The following RTN1 variants were observed in gnomAD, a reference collection of about 807,000 sequenced individuals.
RTN1 encodes reticulon 1.
RTN1 carries 25 observed loss-of-function variants against 65.5 expected under a neutral mutation model. That is an observed-to-expected ratio of 0.38 (90% CI 0.28 to 0.53). RTN1 has a LOEUF of 0.53. Ranked by LOEUF, RTN1 falls within the 20% of genes least tolerant of loss-of-function variation. The pLI is 0.79. For missense variants in RTN1, 983 were observed against 1,025.4 expected (o/e 0.96, Z 0.57); for synonymous variants, 471 against 447.6 (o/e 1.05, Z -0.66).
At chr14:59,798,241 GAGGTATATGCCTC>G (rs1056345588) in intron 1 of RTN1, among the ~76,000 whole-genome samples, 17 of 152,230 alleles carry the variant, frequency 1.1e-4, no homozygotes, top group African/African-American at 3.9e-4. Flanking sequence ...CTAAGATTTG[GAGGTATATGCCTC>G]AGAGTTCAGA....
chr14:59,717,305 G>A (rs1337640441), intron 3 of RTN1, among the ~76,000 whole-genome samples: 1 of 152,208 alleles, frequency 6.6e-6, no homozygotes, highest in African/African-American at 2.4e-5. Flanking sequence ...CCTGCCAGAA[G>A]GGAAGAGTTA....
At chr14:59,743,737 G>C (rs917255606) in intron 2 of RTN1, among the ~76,000 whole-genome samples, 1 of 148,864 alleles carries the variant, frequency 6.7e-6, no homozygotes, top group African/African-American at 2.5e-5. Flanking sequence ...TGTTTCCCCT[G>C]TTCCTCTGAG....
intron 3 of RTN1, chr14:59,607,703 C>A: frequency 1.7e-6 from 1 of 580,738 alleles, no homozygotes; most frequent in South Asian, 2.0e-5. Context: ...GAGGATAATT[C>A]ACAAATTCAC....
chr14:59,669,165 T>C (rs7158914), intron 3 of RTN1, among the ~76,000 whole-genome samples: 4,168 of 152,260 alleles, frequency 0.027, 198 homozygotes, highest in African/African-American at 0.094. Context: ...CATATGTTTA[T>C]TGCAGCAATA....
rs1223437862 is a variant in RTN1, at chr14:59,870,549, C to G, written c.82G>C (p.Gly28Arg). The G allele has an allele frequency of 1.0e-5, 15 of 1,458,148 alleles. No individual in the cohort carries two copies. Among genetic ancestry groups the G allele is most frequent in the South Asian group, 1.3e-5 (1 of 75,274 alleles). The allele number at this position is 1,458,148 out of a possible 1,614,324, so 90.3% of individuals were successfully genotyped here. ...TTCGGCGTCACCGCTTCGTTCTCCC[C>G]CTCCCCCCGGTGCCTGAGCCACTGG... Reference protein sequence around the residue: ...GSQWLRHRGEGENEAVTPKGA... With the variant: ...GSQWLRHRGERENEAVTPKGA... The change falls in exon 1 of 9, where the codon GGG becomes CGG. Residue 28 changes from glycine (G) to arginine (R), a missense_variant. Around this residue, in one of 2 missense-constraint regions of RTN1, gnomAD observed 818 missense variants for 801.8 expected, o/e 1.02. Coordinates refer to ENST00000267484, the MANE Select transcript of RTN1 (RefSeq NM_021136.3). The surrounding 1 kb of genome is among the most constrained non-coding windows in gnomAD (Gnocchi z 5.1).
At chr14:59,743,324 G>A (rs929392990) in intron 2 of RTN1, among the ~76,000 whole-genome samples, 1 of 152,176 alleles carries the variant, frequency 6.6e-6, no homozygotes, top group Non-Finnish European at 1.5e-5. Context: ...AGCATGTGCC[G>A]TGTAAGTAGA....
chr14:59,639,964 T>C (rs1365345816), intron 3 of RTN1, among the ~76,000 whole-genome samples: 3 of 152,230 alleles, frequency 2.0e-5, no homozygotes, highest in African/African-American at 7.2e-5. Context: ...GTATCCATAT[T>C]GAAGAAATAT....
chr14:59,817,819 T>C (rs1408860453), intron 1 of RTN1, among the ~76,000 whole-genome samples: 2 of 152,246 alleles, frequency 1.3e-5, no homozygotes, highest in African/African-American at 2.4e-5. Flanking sequence ...TAAATAGATA[T>C]AAACCAGTGC....
At chr14:59,843,187 G>C (rs1314833226) in intron 1 of RTN1, among the ~76,000 whole-genome samples, 1 of 152,158 alleles carries the variant, frequency 6.6e-6, no homozygotes, top group Non-Finnish European at 1.5e-5. Flanking sequence ...TGAATGTTTA[G>C]CAAAGCATTA....
Position 59,870,517 on chromosome 14 carries a change from G to A in RTN1, c.114C>T (p.Ala38=). Residue 38 remains alanine, a synonymous_variant, in exon 1 of 9, where the codon GCC becomes GCT. Coordinates refer to ENST00000267484, the MANE Select transcript of RTN1 (RefSeq NM_021136.3). This position sits in a 1 kb window ranked among gnomAD's most constrained non-coding sequence, Gnocchi z 5.1. ...GENEAVTPKG[A]TPAPQAGEPS... The stretch of plus-strand genomic sequence containing the variant: ...GCTCCCCAGCCTGCGGCGCCGGCGT[G>A]GCCCCTTTCGGCGTCACCGCTTCGT... The A allele has an allele frequency of 1.4e-6, 2 of 1,458,540 alleles. No individual in the cohort carries two copies. Among genetic ancestry groups the A allele is most frequent in the South Asian group, 2.7e-5 (2 of 75,306 alleles). The allele number at this position is 1,458,540 out of a possible 1,614,324, so 90.3% of individuals were successfully genotyped here.
At chr14:59,749,428 CTATA>C (rs1222570071) in intron 1 of RTN1, among the ~76,000 whole-genome samples, 1 of 88,786 alleles carries the variant, frequency 1.1e-5, no homozygotes, top group Non-Finnish European at 1.9e-5. Context: ...ATCTATATAT[CTATA>C]TATATCTATA....
intron 2 of RTN1, among the ~76,000 whole-genome samples, chr14:59,740,989 G>A (rs1489293460): frequency 1.3e-5 from 2 of 152,182 alleles, no homozygotes; most frequent in Non-Finnish European, 1.5e-5. Flanking sequence ...TGATATAATT[G>A]AGAGGAATAA....
chr14:59,728,219 G>A (rs893034639), intron 2 of RTN1, among the ~76,000 whole-genome samples: 9 of 147,528 alleles, frequency 6.1e-5, no homozygotes, highest in African/African-American at 2.3e-4. Context: ...CTTGACTTCT[G>A]AGCTTTATAT....
In RTN1 at chr14:59,799,791, G is replaced by A. The variant is rs12232233; in HGVS notation, c.242-53310C>T. Among the ~76,000 whole-genome samples the A allele has an allele frequency of 3.0e-3, 458 of 152,286 alleles. 12 individuals carry two copies. In the East Asian group the frequency reaches 0.05, roughly 17 times the overall value. ...AGACTCTTCTCTCCTAGGAAAAAAA[G>A]CTGTAAGTCACTGGGCTGGGGTTGG... On this transcript the variant is annotated intron_variant, in intron 1 of 8. Coordinates refer to ENST00000267484, the MANE Select transcript of RTN1 (RefSeq NM_021136.3).
chr14:59,748,820 T>TA (rs1354020376), intron 1 of RTN1, among the ~76,000 whole-genome samples: 1 of 151,854 alleles, frequency 6.6e-6, no homozygotes, highest in Non-Finnish European at 1.5e-5. Context: ...GACAGAGTCT[T>TA]ACTCTGTCGC....
At chr14:59,867,684 G>T (rs1390558849) in intron 1 of RTN1, among the ~76,000 whole-genome samples, 1 of 152,076 alleles carries the variant, frequency 6.6e-6, no homozygotes, top group East Asian at 1.9e-4. Context: ...TGGCATGATT[G>T]GTGATGTTTT....
At chr14:59,733,709 C>T (rs1465941856) in intron 2 of RTN1, among the ~76,000 whole-genome samples, 2 of 152,198 alleles carry the variant, frequency 1.3e-5, no homozygotes, top group Non-Finnish European at 2.9e-5. Flanking sequence ...CCAGCTGGGG[C>T]CTCTGGCCAC....
rs901460814 is a variant in RTN1, at chr14:59,680,468, C to A, written c.1765+46451G>T. On this transcript the variant is annotated intron_variant, in intron 3 of 8. Coordinates refer to ENST00000267484, the MANE Select transcript of RTN1 (RefSeq NM_021136.3). ...ATAAGTCTATCTTTACTAATTTGAG[C>A]TAATCAGTGAATTCACTGAATAAAA... 6.6e-5 allele frequency among the ~76,000 whole-genome samples: 10 copies of A among 152,162 alleles called. 1 individual carries two copies. Among genetic ancestry groups the A allele is most frequent in the Admixed American group, 6.5e-4 (10 of 15,272 alleles).
intron 2 of RTN1, among the ~76,000 whole-genome samples, chr14:59,739,808 T>C (rs1388287020): frequency 4.6e-5 from 7 of 152,164 alleles, no homozygotes; most frequent in Non-Finnish European, 1.0e-4. Flanking sequence ...GCTTGTTTGA[T>C]GGGACAGGGA....
Sources: gnomAD v4.1 joint callset for allele counts (sites outside exome capture counted in the v4.1 genomes callset) on GRCh38, gnomAD v4.1.1 for gene constraint, gnomAD v4.1.1 regional missense constraint, Gnocchi (gnomAD v3.1) non-coding constraint, MANE v1.5 for transcripts, NCBI Gene and HGNC (gene_info 2026-07-23, HGNC 2026-07-21) for gene names.